The following IL1RAPL2 variants were observed in gnomAD, a reference collection of about 807,000 sequenced individuals.
The protein encoded by IL1RAPL2 is interleukin 1 receptor accessory protein like 2, also known as X-linked interleukin-1 receptor accessory protein-like 2.
A neutral mutation model predicts 44.1 loss-of-function variants in IL1RAPL2; 3 were observed. The ratio of observed to expected loss-of-function variants is 0.07; its 90% confidence interval spans 0.03 to 0.18. The LOEUF is 0.18. IL1RAPL2 is among the 10% of genes least tolerant of loss of function. The probability of loss-of-function intolerance (pLI) is 1.00; values close to 1 mark genes in which losing one functional copy is unlikely to be tolerated. For synonymous variants in IL1RAPL2, 181 were observed against 178.8 expected (o/e 1.01, Z -0.10); for missense variants, 391 against 496.4 (o/e 0.79, Z 2.02).
intron 4 of IL1RAPL2, among the ~76,000 whole-genome samples, chrX:105,237,414 C>T (rs369578232): frequency 4.5e-5 from 5 of 111,923 alleles, no homozygotes; most frequent in South Asian, 3.7e-4. Context: ...CCTGAGGAAT[C>T]GCCACACTGT....
At chrX:105,517,580 C>T (rs947979157) in intron 6 of IL1RAPL2, among the ~76,000 whole-genome samples, 1 of 111,221 alleles carries the variant, frequency 9.0e-6, no homozygotes, top group African/African-American at 3.3e-5. Flanking sequence ...TCTACCATTT[C>T]TACATATCCA....
chrX:105,485,242 A>G (rs756418458), intron 6 of IL1RAPL2, among the ~76,000 whole-genome samples: 1 of 111,779 alleles, frequency 8.9e-6, no homozygotes, highest in South Asian at 3.8e-4. Flanking sequence ...GTCTATATCC[A>G]TTATACAGCC....
chrX:105,265,301 A>G (rs915498851), intron 4 of IL1RAPL2, among the ~76,000 whole-genome samples: 2 of 112,184 alleles, frequency 1.8e-5, no homozygotes, highest in African/African-American at 6.5e-5. Flanking sequence ...GACCTTCAGA[A>G]TGATTCTTTA....
chrX:104,867,186 G>A (rs939402676), intron 2 of IL1RAPL2, among the ~76,000 whole-genome samples: 3 of 97,165 alleles, frequency 3.1e-5, no homozygotes, highest in Non-Finnish European at 6.0e-5. Flanking sequence ...GCAGTGAGCC[G>A]AGATAGCACC....
intron 6 of IL1RAPL2, among the ~76,000 whole-genome samples, chrX:105,591,057 T>G (rs1284646743): frequency 9.1e-6 from 1 of 110,182 alleles, no homozygotes; most frequent in Non-Finnish European, 1.9e-5. Flanking sequence ...TTTCTCTGGT[T>G]GTTAGGCTTT....
intron 6 of IL1RAPL2, among the ~76,000 whole-genome samples, chrX:105,643,888 C>T (rs1210012413): frequency 7.2e-5 from 8 of 110,370 alleles, no homozygotes; most frequent in African/African-American, 3.3e-5. Context: ...GCTTTTTTTT[C>T]TTTCTTTCTT....
intron 5 of IL1RAPL2, among the ~76,000 whole-genome samples, chrX:105,352,466 TA>T (rs1236070995): frequency 1.8e-5 from 2 of 111,921 alleles, no homozygotes; most frequent in Non-Finnish European, 3.8e-5. Context: ...CAGCATATCT[TA>T]AAAGAAAACC....
In IL1RAPL2 at chrX:105,641,970, T is replaced by A. The variant is rs141274991; in HGVS notation, c.773-75397T>A. Reference sequence around the variant, plus strand: ...CTCTGCTTTCACTTTCTGACCCTTTTTGAGTATTGTCCCTTTTTAACCTCG... The same window carrying A: ...CTCTGCTTTCACTTTCTGACCCTTTATGAGTATTGTCCCTTTTTAACCTCG... On this transcript the variant is annotated intron_variant, in intron 6 of 10. Coordinates refer to ENST00000372582, the MANE Select transcript of IL1RAPL2 (RefSeq NM_017416.2). 1.3e-3 allele frequency among the ~76,000 whole-genome samples: 144 copies of A among 111,551 alleles called. 1 individual carries two copies. The East Asian group carries it at 0.014, about 11-fold the overall frequency.
intron 5 of IL1RAPL2, among the ~76,000 whole-genome samples, chrX:105,333,118 C>G (rs750481441): frequency 9.0e-6 from 1 of 111,631 alleles, no homozygotes; most frequent in East Asian, 2.8e-4. Flanking sequence ...TCAAATTATA[C>G]TACAGCGCTA....
At chrX:105,118,372 C>T (rs1447804308) in intron 2 of IL1RAPL2, among the ~76,000 whole-genome samples, 1 of 112,264 alleles carries the variant, frequency 8.9e-6, no homozygotes, top group African/African-American at 3.2e-5. Context: ...GAAAGGACAT[C>T]CCCAGGAAGC....
intron 2 of IL1RAPL2, among the ~76,000 whole-genome samples, chrX:105,144,556 C>T (rs2033161714): frequency 9.0e-6 from 1 of 111,474 alleles, no homozygotes; most frequent in African/African-American, 3.3e-5. Context: ...TAACTATCTT[C>T]TGTCTCTGAC....
At chrX:105,598,608 T>C (rs2037228971) in intron 6 of IL1RAPL2, among the ~76,000 whole-genome samples, 1 of 111,482 alleles carries the variant, frequency 9.0e-6, no homozygotes, top group African/African-American at 3.3e-5. Context: ...AAAACACTTA[T>C]AGCAGTGCCT....
At chrX:105,558,150 A>G (rs2036909015) in intron 6 of IL1RAPL2, among the ~76,000 whole-genome samples, 1 of 111,532 alleles carries the variant, frequency 9.0e-6, no homozygotes, top group African/African-American at 3.3e-5. Flanking sequence ...GCTAGATTCA[A>G]GGCACAGTTC....
intron 1 of IL1RAPL2, among the ~76,000 whole-genome samples, chrX:104,605,839 C>A (rs1448596202): frequency 9.0e-6 from 1 of 111,360 alleles, no homozygotes; most frequent in African/African-American, 3.3e-5. Context: ...AGCCTACCAA[C>A]CAAAAAAAGC....
intron 6 of IL1RAPL2, among the ~76,000 whole-genome samples, chrX:105,623,406 A>T (rs2037433571): frequency 9.0e-6 from 1 of 110,806 alleles, no homozygotes; most frequent in South Asian, 3.8e-4. Flanking sequence ...TGTTTTAAAA[A>T]ATCCTAAATT....
At position 105,233,784 on chromosome X, in the gene IL1RAPL2, A is replaced by G. The variant is rs187161585; in HGVS notation, c.357-34A>G. 6.2e-6 allele frequency: 7 copies of G among 1,137,967 alleles called. No homozygotes were observed. The Admixed American group carries it at 9.5e-5, about 15-fold the overall frequency. The allele number at this position is 1,137,967 out of a possible 1,213,427, so 93.8% of individuals were successfully genotyped here. ...GCACAAACAAAGTTGTAAACACCCA[A>G]TAAAGCCATTTTGTTATTTCTCTGT... On this transcript the variant is annotated intron_variant, in intron 3 of 10. Transcript: ENST00000372582.
intron 2 of IL1RAPL2, among the ~76,000 whole-genome samples, chrX:105,059,001 A>G (rs1222094096): frequency 8.9e-6 from 1 of 112,031 alleles, no homozygotes; most frequent in Non-Finnish European, 1.9e-5. Flanking sequence ...TACACAGTAG[A>G]TGTATATATT....
chrX:105,445,591 A>G (rs1461785897), intron 5 of IL1RAPL2, among the ~76,000 whole-genome samples: 2 of 110,999 alleles, frequency 1.8e-5, no homozygotes, highest in Admixed American at 9.6e-5. Flanking sequence ...TTGTGTTTTC[A>G]TTATCATGTG....
At position 104,566,699 on chromosome X, in the gene IL1RAPL2, C is replaced by T. The variant is rs750158595; in HGVS notation, c.-372C>T. On this transcript the variant is annotated 5_prime_UTR_variant, in exon 1 of 11. Coordinates refer to ENST00000372582, the MANE Select transcript of IL1RAPL2 (RefSeq NM_017416.2). The stretch of plus-strand genomic sequence containing the variant: ...TCTAGTCACTGAGAGACAGAGGCAG[C>T]ATCTGCCATTCTAACTACGGAGCTG... 2 of 113,340 alleles carry T rather than the reference C, an allele frequency of 1.8e-5. No individual in the cohort carries two copies. Among genetic ancestry groups the T allele is most frequent in the Admixed American group, 1.8e-4 (2 of 10,853 alleles). 9.3% of individuals were successfully genotyped at this position (113,340 alleles called of 1,213,427 possible).
Sources: gnomAD v4.1 joint callset for allele counts (sites outside exome capture counted in the v4.1 genomes callset) on GRCh38, gnomAD v4.1.1 for gene constraint, MANE v1.5 for transcripts, NCBI Gene and HGNC (gene_info 2026-07-23, HGNC 2026-07-21) for gene names.